Variants in JMJD1C observed in about 807,000 individuals in gnomAD.
The protein encoded by JMJD1C is jumonji domain-containing protein 1C.
JMJD1C carries 31 observed loss-of-function variants against 245.3 expected under a neutral mutation model. The ratio of observed to expected loss-of-function variants is 0.13; its 90% CI spans 0.09 to 0.17. JMJD1C has a LOEUF of 0.17. Ranked by LOEUF, JMJD1C falls within the 10% of genes least tolerant of loss-of-function variation. The probability of loss-of-function intolerance (pLI) is 1.00; values close to 1 mark genes in which losing one functional copy is unlikely to be tolerated. For synonymous variants in JMJD1C, 1,057 were observed against 1,017.4 expected (o/e 1.04, Z -0.74); for missense variants, 2,691 against 3,000.2 (o/e 0.90, Z 2.41).
Position 63,167,349 on chromosome 10 carries a change from G to A in JMJD1C, c.*696C>T, listed in dbSNP as rs924836947. On this transcript the variant is annotated 3_prime_UTR_variant, in exon 26 of 26. Coordinates refer to ENST00000399262, the MANE Select transcript of JMJD1C (RefSeq NM_032776.3). ...GTTTTAAAAAAATACATCATTAAAT[G>A]TATATATGTATATATTTACATAGCA... The A allele has an allele frequency of 2.0e-5, 3 of 152,502 alleles. No homozygotes were observed. The highest frequency in any genetic ancestry group is 6.6e-5 in the Admixed American group (1 of 15,258). 9.4% of individuals were successfully genotyped at this position (152,502 alleles called of 1,614,324 possible).
intron 1 of JMJD1C, among the ~76,000 whole-genome samples, chr10:63,444,780 C>G (rs925941509): frequency 3.3e-5 from 5 of 152,148 alleles, no homozygotes; most frequent in African/African-American, 4.8e-5. Context: ...TGCCCACCAC[C>G]ACGCCCAGCT....
chr10:63,373,362 C>T (rs1422999028), intron 2 of JMJD1C, among the ~76,000 whole-genome samples: 1 of 152,130 alleles, frequency 6.6e-6, no homozygotes, highest in Non-Finnish European at 1.5e-5. Flanking sequence ...GGGTATTATA[C>T]TATTCATATT....
intron 2 of JMJD1C, among the ~76,000 whole-genome samples, chr10:63,277,408 T>C (rs191802796): frequency 6.6e-6 from 1 of 152,188 alleles, no homozygotes; most frequent in Non-Finnish European, 1.5e-5. Context: ...CTAAAGTCTC[T>C]CAGGTAATAA....
In JMJD1C at chr10:63,500,799, G is replaced by A. The variant is rs185978857; in HGVS notation, n.113+20939C>T. Among the ~76,000 whole-genome samples, 41 of 135,686 alleles carry A rather than the reference G, an allele frequency of 3.0e-4. 1 individual carries two copies. The highest frequency in any genetic ancestry group is 7.8e-4 in the Admixed American group (9 of 11,540). 89.0% of individuals were successfully genotyped at this position (135,686 alleles called of 152,430 possible). A position where few individuals can be genotyped will look rare whatever the true frequency, so the allele number is the denominator to read the frequency against. Reference sequence around the variant, plus strand: ...TGGATGGATGGATGGATGGATGCACGGATGCATGGATGCACAGATGGATGC... The same window carrying A: ...TGGATGGATGGATGGATGGATGCACAGATGCATGGATGCACAGATGGATGC... On this transcript the variant is annotated intron_variant and non_coding_transcript_variant, in intron 1 of 3. Coordinates refer to the JMJD1C transcript ENST00000633035.
In JMJD1C at chr10:63,184,619, C is replaced by A. The variant is rs1346836919; in HGVS notation, c.6950G>T (p.Cys2317Phe). The A allele has an allele frequency of 6.2e-7, 1 of 1,607,848 alleles. No individual in the cohort carries two copies. Among genetic ancestry groups the A allele is most frequent in the South Asian group, 1.1e-5 (1 of 89,516 alleles). ...GAATATATACCTACCATAGGCACTG[C>A]ACAACCTGGGTCCTAGATCAGGACG... ...FVRPDLGPRLCSAYGVVAAKD... is the reference protein window; with the variant it reads ...FVRPDLGPRLFSAYGVVAAKD... Residue 2317 changes from cysteine (C) to phenylalanine (F), a missense_variant, in exon 21 of 26, where the codon TGC becomes TTC. Coordinates refer to ENST00000399262, the MANE Select transcript of JMJD1C (RefSeq NM_032776.3).
rs746251493 is a variant in JMJD1C at position 63,465,752 on chromosome 10, C to T, written c.-90G>A. 17 of 1,450,246 alleles carry T rather than the reference C, an allele frequency of 1.2e-5. No individual in the cohort carries two copies. The highest frequency in any genetic ancestry group is 1.2e-4 in the East Asian group (5 of 43,404). 89.8% of individuals were successfully genotyped at this position (1,450,246 alleles called of 1,614,324 possible). A position where few individuals can be genotyped will look rare whatever the true frequency, so the allele number is the denominator to read the frequency against. The stretch of plus-strand genomic sequence containing the variant: ...TACCGGCCGCTCATGCTGAGGAGAG[C>T]GGACCGGGACACAGCAGCGGACCCG... On this transcript the variant is annotated 5_prime_UTR_variant, in exon 1 of 26. Coordinates refer to ENST00000399262, the MANE Select transcript of JMJD1C (RefSeq NM_032776.3).
intron 17 of JMJD1C, among the ~76,000 whole-genome samples, chr10:63,190,530 T>A (rs769164200): frequency 1.3e-5 from 2 of 152,196 alleles, no homozygotes; most frequent in African/African-American, 2.4e-5. Context: ...GAAATTATAC[T>A]GCTCTTTTTT....
chr10:63,492,857 A>C (rs1171602790), intron 1 of JMJD1C, among the ~76,000 whole-genome samples: 2 of 152,224 alleles, frequency 1.3e-5, no homozygotes, highest in African/African-American at 2.4e-5. Flanking sequence ...AACATAATTC[A>C]GACAAATAAC....
intron 1 of JMJD1C, among the ~76,000 whole-genome samples, chr10:63,503,624 T>C (rs1193528698): frequency 1.3e-5 from 2 of 152,224 alleles, no homozygotes; most frequent in Non-Finnish European, 2.9e-5. Context: ...TTTTTATTCC[T>C]ACGGGCAAGC....
chr10:63,520,102 C>G (rs1158466737), intron 1 of JMJD1C, among the ~76,000 whole-genome samples: 2 of 152,130 alleles, frequency 1.3e-5, no homozygotes, highest in African/African-American at 4.8e-5. Flanking sequence ...AGCTTCTGAG[C>G]TTGTTTCTTA....
At chr10:63,391,401 T>A (rs1016502728) in intron 1 of JMJD1C, among the ~76,000 whole-genome samples, 3 of 151,922 alleles carry the variant, frequency 2.0e-5, no homozygotes, top group Admixed American at 6.6e-5. Flanking sequence ...TCCCAGCCAC[T>A]TGGGAGGCTG....
chr10:63,404,544 G>A (rs536985585), intron 1 of JMJD1C, among the ~76,000 whole-genome samples: 12 of 152,034 alleles, frequency 7.9e-5, no homozygotes, highest in Admixed American at 6.6e-4. Flanking sequence ...AGCATACCCA[G>A]TAAGTATTAA....
At chr10:63,384,954 T>G (rs900794804) in intron 1 of JMJD1C, among the ~76,000 whole-genome samples, 4 of 152,192 alleles carry the variant, frequency 2.6e-5, no homozygotes, top group African/African-American at 9.7e-5. Context: ...TTGACATGCC[T>G]TCCTCGCTAA....
chr10:63,366,610 A>G (rs1343965889), intron 2 of JMJD1C, among the ~76,000 whole-genome samples: 1 of 152,106 alleles, frequency 6.6e-6, no homozygotes, highest in Non-Finnish European at 1.5e-5. Context: ...GGGATGACAA[A>G]CCTTTGTTTC....
intron 1 of JMJD1C, among the ~76,000 whole-genome samples, chr10:63,440,351 A>ATATATAT (rs541868337): frequency 3.4e-4 from 23 of 68,026 alleles, no homozygotes; most frequent in South Asian, 1.0e-3. Context: ...AAAAAAAAAA[A>ATATATAT]AAATATATAT....
At chr10:63,427,288 GCCGGGACGATGGT>G in intron 1 of JMJD1C, 6 of 616,664 alleles carry the variant, frequency 9.7e-6, no homozygotes, top group South Asian at 2.2e-5. Context: ...GCCCACTCCA[GCCGGGACGATGGT>G]GAAGTATTTC....
chr10:63,491,855 T>C (rs1280701360), intron 1 of JMJD1C, among the ~76,000 whole-genome samples: 1 of 152,198 alleles, frequency 6.6e-6, no homozygotes, highest in Non-Finnish European at 1.5e-5. Flanking sequence ...ACTACAACAC[T>C]TCTAGTGGAG....
intron 3 of JMJD1C, among the ~76,000 whole-genome samples, chr10:63,247,719 CAAAAAAAAAA>C (rs71025135): frequency 8.5e-5 from 9 of 105,504 alleles, no homozygotes; most frequent in African/African-American, 2.5e-4. Flanking sequence ...GTGACAGAGC[CAAAAAAAAAA>C]AAAAAAAAAG....
chr10:63,490,417 A>AC (rs1554952007), intron 1 of JMJD1C, among the ~76,000 whole-genome samples: 2 of 118,526 alleles, frequency 1.7e-5, no homozygotes, highest in Non-Finnish European at 3.4e-5. Flanking sequence ...TTATTTATTT[A>AC]TTTTATTTTT....
Sources: allele counts gnomAD v4.1 joint callset (sites outside exome capture counted in the v4.1 genomes callset), GRCh38; gene constraint gnomAD v4.1.1; transcripts MANE v1.5; gene names NCBI Gene and HGNC (gene_info 2026-07-23, HGNC 2026-07-21).